GAREM1: variants seen among roughly 807,000 people sequenced by gnomAD.
GAREM1 encodes the protein GRB2 associated regulator of MAPK1 subtype 1.
In GAREM1, 26 loss-of-function variants were observed where a neutral mutation model predicts 71.3. The observed-to-expected ratio is 0.36, with a 90% CI of 0.27 to 0.51. The LOEUF (loss-of-function observed/expected upper bound fraction) is 0.51. GAREM1 is among the 20% of genes least tolerant of loss of function. GAREM1 has a pLI of 0.95. For missense variants in GAREM1, 1,026 were observed against 1,103.1 expected (o/e 0.93, Z 0.99); for synonymous variants, 440 against 433.2 (o/e 1.02, Z -0.20).
chr18:32,356,742 C>T (rs1202178385), intron 2 of GAREM1, among the ~76,000 whole-genome samples: 2 of 152,184 alleles, frequency 1.3e-5, no homozygotes, highest in African/African-American at 4.8e-5. Context: ...CCAGGCCACA[C>T]AATGAACAAG....
chr18:32,438,400 G>T (rs2048701234), intron 1 of GAREM1, among the ~76,000 whole-genome samples: 1 of 152,152 alleles, frequency 6.6e-6, no homozygotes, highest in South Asian at 2.1e-4. Flanking sequence ...CTTCTGTGAT[G>T]ACAGCTAGCG....
At chr18:32,362,925 T>C (rs1307069441) in intron 2 of GAREM1, among the ~76,000 whole-genome samples, 1 of 152,264 alleles carries the variant, frequency 6.6e-6, no homozygotes, top group African/African-American at 2.4e-5. Flanking sequence ...CAAAGGCTGC[T>C]CTTCCAAGGA....
At chr18:32,326,580 A>G (rs2047476756) in intron 2 of GAREM1, among the ~76,000 whole-genome samples, 1 of 152,182 alleles carries the variant, frequency 6.6e-6, no homozygotes, top group South Asian at 2.1e-4. Context: ...TGCTTAATGA[A>G]TGAGTATGCT....
chr18:32,436,265 C>T (rs551366653), intron 1 of GAREM1, among the ~76,000 whole-genome samples: 11 of 152,274 alleles, frequency 7.2e-5, no homozygotes, highest in Middle Eastern at 3.4e-3. Context: ...ACAGAACCAA[C>T]CTGTGGACCT....
chr18:32,373,365 A>G (rs568864101), intron 2 of GAREM1, among the ~76,000 whole-genome samples: 1 of 152,280 alleles, frequency 6.6e-6, no homozygotes, highest in Admixed American at 6.5e-5. Context: ...TAAGCTGATG[A>G]ATGTCTGTAT....
intron 1 of GAREM1, among the ~76,000 whole-genome samples, chr18:32,443,654 A>G (rs565654435): frequency 4.6e-5 from 7 of 152,320 alleles, no homozygotes; most frequent in African/African-American, 1.7e-4. Context: ...AGAAACTGGA[A>G]CCTTACACAT....
intron 2 of GAREM1, among the ~76,000 whole-genome samples, chr18:32,322,123 G>A (rs1300346480): frequency 6.6e-6 from 1 of 152,164 alleles, no homozygotes; most frequent in Non-Finnish European, 1.5e-5. Flanking sequence ...AAGGGAGGAA[G>A]CCAACAGAGA....
In GAREM1 at chr18:32,267,282, C is replaced by A. The variant is rs1318415966; in HGVS notation, c.*589G>T. 2.0e-5 allele frequency: 3 copies of A among 152,122 alleles called. No homozygotes were observed. Among genetic ancestry groups the A allele is most frequent in the Non-Finnish European group, 4.4e-5 (3 of 68,026 alleles). The allele number at this position is 152,122 out of a possible 1,614,324, so 9.4% of individuals were successfully genotyped here. ...TCATGATTTGTGTGATTTCTAAGGA[C>A]AACATATATCCCTTTATCAACATAT... On this transcript the variant is annotated 3_prime_UTR_variant, in exon 6 of 6. Transcript: ENST00000269209.
intron 2 of GAREM1, among the ~76,000 whole-genome samples, chr18:32,317,678 T>A (rs989031735): frequency 6.6e-6 from 1 of 151,204 alleles, no homozygotes; most frequent in Admixed American, 6.6e-5. Flanking sequence ...TTCTATGAAC[T>A]TTTATTTCGC....
At chr18:32,298,954 T>A (rs900435715) in intron 3 of GAREM1, among the ~76,000 whole-genome samples, 20 of 152,194 alleles carry the variant, frequency 1.3e-4, no homozygotes, top group African/African-American at 4.3e-4. Flanking sequence ...TATATATATT[T>A]TTTTTAACAC....
intron 3 of GAREM1, among the ~76,000 whole-genome samples, chr18:32,291,316 C>T (rs575498466): frequency 0.01 from 1,368 of 131,168 alleles, 27 homozygotes; most frequent in African/African-American, 0.036. Context: ...ATTTTTGTTA[C>T]CAAAAAAAAA....
chr18:32,402,652 T>A (rs11877881), intron 1 of GAREM1, among the ~76,000 whole-genome samples: 7,021 of 152,192 alleles, frequency 0.046, 245 homozygotes, highest in East Asian at 0.11. Flanking sequence ...CAATCTTATA[T>A]ATTTCTCAAG....
At chr18:32,320,779 G>A (rs1328654405) in intron 2 of GAREM1, among the ~76,000 whole-genome samples, 8 of 152,034 alleles carry the variant, frequency 5.3e-5, no homozygotes, top group Non-Finnish European at 1.2e-4. Flanking sequence ...CATGCAAACT[G>A]GTTTCCCTGT....
chr18:32,466,148 G>A (rs66493549), intron 1 of GAREM1, among the ~76,000 whole-genome samples: 25,856 of 151,690 alleles, frequency 0.17, 2,360 homozygotes, highest in Admixed American at 0.24. Context: ...AAATAAATAC[G>A]AAATACTAGA....
At chr18:32,292,499 A>G (rs984296441) in intron 3 of GAREM1, among the ~76,000 whole-genome samples, 4 of 152,200 alleles carry the variant, frequency 2.6e-5, no homozygotes, top group African/African-American at 7.2e-5. Flanking sequence ...TGTGACCCCA[A>G]CCAAATCTCA....
At chr18:32,408,413 G>A (rs1052024766) in intron 1 of GAREM1, among the ~76,000 whole-genome samples, 1 of 152,048 alleles carries the variant, frequency 6.6e-6, no homozygotes, top group Non-Finnish European at 1.5e-5. Flanking sequence ...GTCTAAATGG[G>A]GTGATATCAA....
intron 2 of GAREM1, among the ~76,000 whole-genome samples, chr18:32,328,446 T>C (rs1160393067): frequency 3.3e-5 from 5 of 152,204 alleles, no homozygotes; most frequent in Non-Finnish European, 5.9e-5. Flanking sequence ...GCAGTTACAC[T>C]GTATTTCACC....
chr18:32,394,061 C>T (rs1473647281), intron 1 of GAREM1, among the ~76,000 whole-genome samples: 1 of 152,168 alleles, frequency 6.6e-6, no homozygotes, highest in African/African-American at 2.4e-5. Context: ...ATCAACTTGG[C>T]TATCCCAACC....
intron 1 of GAREM1, among the ~76,000 whole-genome samples, chr18:32,410,856 G>A (rs2048409340): frequency 6.6e-6 from 1 of 152,154 alleles, no homozygotes; most frequent in Non-Finnish European, 1.5e-5. Flanking sequence ...AGGCTGGAGT[G>A]CAGTGGAGCA....
Sources: allele counts gnomAD v4.1 joint callset (sites outside exome capture counted in the v4.1 genomes callset), GRCh38; gene constraint gnomAD v4.1.1; transcripts MANE v1.5; gene names NCBI Gene and HGNC (gene_info 2026-07-23, HGNC 2026-07-21).